RPS6KA5: variants seen among roughly 807,000 people sequenced by gnomAD.
The protein encoded by RPS6KA5 is ribosomal protein S6 kinase A5.
A neutral mutation model predicts 85.5 loss-of-function variants in RPS6KA5; 27 were observed. That is an observed-to-expected ratio of 0.32 (90% CI 0.23 to 0.44). The LOEUF is 0.44. RPS6KA5 is among the 20% of genes least tolerant of loss of function. The probability of loss-of-function intolerance (pLI) is 1.00; values close to 1 mark genes in which losing one functional copy is unlikely to be tolerated. For missense variants in RPS6KA5, 811 were observed against 980.9 expected, an observed-to-expected ratio of 0.83 and a Z score of 2.31; for synonymous variants, 334 against 348.2, an observed-to-expected ratio of 0.96 and a Z score of 0.46.
At chr14:90,962,900 T>C (rs1300847214) in intron 3 of RPS6KA5, among the ~76,000 whole-genome samples, 3 of 152,226 alleles carry the variant, frequency 2.0e-5, no homozygotes, top group Non-Finnish European at 2.9e-5. Context: ...TCAGTGTACA[T>C]TTCCTAAGAA....
chr14:90,948,432 C>T (rs2037986896), intron 3 of RPS6KA5, among the ~76,000 whole-genome samples: 1 of 152,200 alleles, frequency 6.6e-6, no homozygotes, highest in South Asian at 2.1e-4. Context: ...CGCAGTGGCT[C>T]ACGCCTGTAA....
intron 14 of RPS6KA5, among the ~76,000 whole-genome samples, chr14:90,878,102 T>C (rs2033597760): frequency 6.6e-6 from 1 of 152,214 alleles, no homozygotes; most frequent in South Asian, 2.1e-4. Flanking sequence ...TATCACTTTG[T>C]GGGGTAACTC....
chr14:90,856,095 C>T lies in RPS6KA5; in HGVS notation c.*15979G>A, dbSNP rs985608459. 1 of 152,202 alleles carries T rather than the reference C, an allele frequency of 6.6e-6. No individual in the cohort carries two copies. The highest frequency in any genetic ancestry group is 6.5e-5 in the Admixed American group (1 of 15,278). 9.4% of individuals were successfully genotyped at this position (152,202 alleles called of 1,614,324 possible). A position where few individuals can be genotyped will look rare whatever the true frequency, so the allele number is the denominator to read the frequency against. ...AAACATACAGCACTTTGACATCTGT[C>T]CGAGCACTACCCAATAATGGGAAAA... On this transcript the variant is annotated 3_prime_UTR_variant, in exon 17 of 17. Transcript: ENST00000614987.
chr14:90,872,816 G>A (rs1433409754), intron 16 of RPS6KA5, among the ~76,000 whole-genome samples: 1 of 152,166 alleles, frequency 6.6e-6, no homozygotes, highest in African/African-American at 2.4e-5. Context: ...CAGCTCTACA[G>A]CTTTGCCCTG....
intron 14 of RPS6KA5, among the ~76,000 whole-genome samples, chr14:90,880,306 G>A (rs2033752937): frequency 6.6e-6 from 1 of 151,824 alleles, no homozygotes; most frequent in Admixed American, 6.6e-5. Flanking sequence ...CACAACCCCG[G>A]CAACCACCAT....
At chr14:91,035,065 G>C (rs771557750) in intron 1 of RPS6KA5, among the ~76,000 whole-genome samples, 1 of 152,086 alleles carries the variant, frequency 6.6e-6, no homozygotes, top group South Asian at 2.1e-4. Flanking sequence ...CAGAATATCT[G>C]AGCATGGAAA....
chr14:90,950,439 T>C (rs1213547102), intron 3 of RPS6KA5, among the ~76,000 whole-genome samples: 2 of 152,188 alleles, frequency 1.3e-5, no homozygotes, highest in Non-Finnish European at 2.9e-5. Flanking sequence ...TTGAATAAAG[T>C]GGGAAAGTGG....
At chr14:90,899,302 G>GAAAAAAA in intron 12 of RPS6KA5, 27 bp downstream of exon 12, 1 of 1,280,698 alleles carries the variant, frequency 7.8e-7, no homozygotes, top group Non-Finnish European at 1.1e-6. Context: ...GTACACATGG[G>GAAAAAAA]AAAAAAAAAA....
chr14:90,989,219 T>A (rs950219397), intron 2 of RPS6KA5, among the ~76,000 whole-genome samples: 2 of 152,202 alleles, frequency 1.3e-5, no homozygotes, highest in Non-Finnish European at 2.9e-5. Flanking sequence ...GGTATTATTA[T>A]AATAACTTAT....
intron 3 of RPS6KA5, among the ~76,000 whole-genome samples, chr14:90,949,394 T>A (rs1177355962): frequency 1.3e-5 from 2 of 152,236 alleles, no homozygotes; most frequent in Admixed American, 1.3e-4. Context: ...CTTGCTATAC[T>A]GCAATTGTTT....
At chr14:90,902,193 A>T (rs1595167043) in intron 9 of RPS6KA5, among the ~76,000 whole-genome samples, 1 of 151,342 alleles carries the variant, frequency 6.6e-6, no homozygotes, top group African/African-American at 2.4e-5. Flanking sequence ...TAAAAAAAAA[A>T]AATTTTTTTG....
At chr14:90,914,201 A>G (rs1045756815) in intron 7 of RPS6KA5, among the ~76,000 whole-genome samples, 3 of 152,072 alleles carry the variant, frequency 2.0e-5, no homozygotes, top group Admixed American at 6.6e-5. Flanking sequence ...CAGGGAAACA[A>G]CAGAGGGCCA....
At chr14:91,053,816 C>T (rs1000270186) in intron 1 of RPS6KA5, among the ~76,000 whole-genome samples, 28 of 152,204 alleles carry the variant, frequency 1.8e-4, no homozygotes, top group African/African-American at 4.6e-4. Flanking sequence ...CAGAATGCCA[C>T]TGAGTTGGCT....
At chr14:90,949,137 C>G (rs1274778218) in intron 3 of RPS6KA5, among the ~76,000 whole-genome samples, 1 of 152,180 alleles carries the variant, frequency 6.6e-6, no homozygotes. Context: ...AGGATTCCTG[C>G]AAACTAATAA....
intron 1 of RPS6KA5, among the ~76,000 whole-genome samples, chr14:91,010,655 C>T (rs564500642): frequency 3.7e-4 from 56 of 152,160 alleles, no homozygotes; most frequent in Non-Finnish European, 6.6e-4. Context: ...AAAAACAAAA[C>T]AATAACAATT....
At chr14:90,930,815 G>A (rs1055706988) in intron 5 of RPS6KA5, among the ~76,000 whole-genome samples, 2 of 152,078 alleles carry the variant, frequency 1.3e-5, no homozygotes, top group African/African-American at 4.8e-5. Context: ...AGATAAACGC[G>A]AATCAGAATT....
chr14:90,876,987 A>C (rs1024766572), intron 14 of RPS6KA5, among the ~76,000 whole-genome samples: 2 of 152,206 alleles, frequency 1.3e-5, no homozygotes, highest in Non-Finnish European at 2.9e-5. Context: ...AGACAGGCTA[A>C]TAAAAATAAC....
At chr14:91,048,871 C>A (rs1481389072) in intron 1 of RPS6KA5, among the ~76,000 whole-genome samples, 2 of 152,200 alleles carry the variant, frequency 1.3e-5, no homozygotes, top group African/African-American at 4.8e-5. Flanking sequence ...GTTAGATTTT[C>A]CCTAGAGCAG....
rs1252427283 is a variant in RPS6KA5 at position 91,033,001 on chromosome 14, C to T, written c.103+27331G>A. On this transcript the variant is annotated intron_variant, in intron 1 of 16. Coordinates refer to ENST00000614987, the MANE Select transcript of RPS6KA5 (RefSeq NM_004755.4). Reference sequence around the variant, plus strand: ...GAGATTGAGACCATCCTGGCTAATACGGTGAAACTCCGTCTCTACTAAAAA... The same window carrying T: ...GAGATTGAGACCATCCTGGCTAATATGGTGAAACTCCGTCTCTACTAAAAA... 5.9e-5 allele frequency among the ~76,000 whole-genome samples: 9 copies of T among 151,604 alleles called. 1 individual carries two copies. Among genetic ancestry groups the T allele is most frequent in the Non-Finnish European group, 1.2e-4 (8 of 67,908 alleles).
Sources: allele counts gnomAD v4.1 joint callset (sites outside exome capture counted in the v4.1 genomes callset), GRCh38; gene constraint gnomAD v4.1.1; transcripts MANE v1.5; gene names NCBI Gene and HGNC (gene_info 2026-07-23, HGNC 2026-07-21).